Variants in NPAS1 observed in about 807,000 individuals in gnomAD.
NPAS1 encodes the protein neuronal PAS domain-containing protein 1.
NPAS1 carries 29 observed loss-of-function variants against 49.2 expected under a neutral mutation model. The ratio of observed to expected loss-of-function variants is 0.59; its 90% confidence interval spans 0.44 to 0.80. The LOEUF is 0.80. Among genes scored for constraint, NPAS1 ranks in the 30% least tolerant of loss-of-function variants. NPAS1 has a pLI of 0.00. For missense variants in NPAS1, 825 were observed against 835.5 expected, an observed-to-expected ratio of 0.99 and a Z score of 0.15; for synonymous variants, 408 against 380.4, an observed-to-expected ratio of 1.07 and a Z score of -0.84.
chr19:47,030,927 A>G (rs2056901439), intron 3 of NPAS1, among the ~76,000 whole-genome samples: 1 of 151,970 alleles, frequency 6.6e-6, no homozygotes, highest in African/African-American at 2.4e-5. Context: ...GGCGTGAGCC[A>G]CCACACTGGG....
chr19:47,021,104 C>T lies in NPAS1; in HGVS notation c.57C>T (p.Gly19=). Residue 19 remains glycine, a synonymous_variant, in exon 2 of 12, where the codon GGC becomes GGT. Coordinates refer to ENST00000602212, the MANE Select transcript of NPAS1 (RefSeq NM_002517.4). This position sits in a 1 kb window ranked among gnomAD's most constrained non-coding sequence, Gnocchi z 5.7. ...GGGSEVKCVG[G]RGASVPWDFL... ...GAAGCGAGGTCAAATGCGTGGGAGGCCGCGGCGCCAGCGTCCCCTGGGACT... is the reference window on the plus strand; with the variant it reads ...GAAGCGAGGTCAAATGCGTGGGAGGTCGCGGCGCCAGCGTCCCCTGGGACT... The T allele has an allele frequency of 6.2e-7, 1 of 1,602,912 alleles. No individual in the cohort carries two copies.
At chr19:47,038,308 A>G (rs1463314857) in intron 6 of NPAS1, among the ~76,000 whole-genome samples, 6 of 152,120 alleles carry the variant, frequency 3.9e-5, no homozygotes, top group Non-Finnish European at 4.4e-5. Context: ...CACGAGGTCA[A>G]GAGATTGAGA....
At chr19:47,030,173 G>A (rs780881047) in intron 3 of NPAS1, among the ~76,000 whole-genome samples, 6 of 152,150 alleles carry the variant, frequency 3.9e-5, no homozygotes, top group South Asian at 2.1e-4. Flanking sequence ...ATAGGTGCAC[G>A]CCACCACGCC....
intron 3 of NPAS1, among the ~76,000 whole-genome samples, chr19:47,030,537 C>T (rs888777671): frequency 6.6e-6 from 1 of 151,130 alleles, no homozygotes; most frequent in Non-Finnish European, 1.5e-5. Context: ...ACTGCATTGC[C>T]CAGGCTGGTC....
chr19:47,026,470 G>A (rs2056871344), intron 3 of NPAS1, among the ~76,000 whole-genome samples: 1 of 152,224 alleles, frequency 6.6e-6, no homozygotes, highest in South Asian at 2.1e-4. Flanking sequence ...CAGTGAGGAT[G>A]AGGACGTGGT....
chr19:47,021,468 G>A lies in NPAS1; in HGVS notation c.123-144G>A. On this transcript the variant is annotated intron_variant, in intron 2 of 11. Transcript: ENST00000602212. This position sits in a 1 kb window ranked among gnomAD's most constrained non-coding sequence, Gnocchi z 5.7. ...GTCGGAGTGTAAAATCCACACTCCG[G>A]TCTGCTCCCACCTCCAGAGATGTGG... The A allele has an allele frequency of 1.7e-6, 1 of 595,026 alleles. No homozygotes were observed. Among genetic ancestry groups the A allele is most frequent in the Non-Finnish European group, 2.8e-6 (1 of 354,660 alleles). The allele number at this position is 595,026 out of a possible 1,614,324, so 36.9% of individuals were successfully genotyped here.
At chr19:47,020,350 T>A (rs1370216873) in intron 1 of NPAS1, among the ~76,000 whole-genome samples, 1 of 151,618 alleles carries the variant, frequency 6.6e-6, no homozygotes, top group African/African-American at 2.4e-5. Context: ...GGGGGCGTCC[T>A]GGGGCAGAGG....
intron 1 of NPAS1, 70 bp downstream of exon 1, chr19:47,020,067 A>C: frequency 1.9e-5 from 2 of 105,344 alleles, no homozygotes; most frequent in Non-Finnish European, 1.7e-5. Context: ...CTGGAACTCC[A>C]GTGTCCTGGG....
chr19:47,022,166 T>G (rs539121643), intron 3 of NPAS1, among the ~76,000 whole-genome samples: 2 of 152,330 alleles, frequency 1.3e-5, no homozygotes, highest in Admixed American at 6.5e-5. Context: ...AACTCCCAGC[T>G]GCATGAGCGG....
At chr19:47,038,582 C>G (rs1339965714) in intron 6 of NPAS1, among the ~76,000 whole-genome samples, 5 of 150,574 alleles carry the variant, frequency 3.3e-5, no homozygotes, top group Non-Finnish European at 7.4e-5. Flanking sequence ...ATCGTAGCAC[C>G]TTGGGAGGCC....
chr19:47,027,092 C>A (rs973616189), intron 3 of NPAS1, among the ~76,000 whole-genome samples: 18 of 152,282 alleles, frequency 1.2e-4, no homozygotes, highest in Admixed American at 3.3e-4. Context: ...CAAAGGTGAC[C>A]CGGCACTGCC....
chr19:47,042,921 A>C lies in NPAS1; in HGVS notation c.1312+17A>C. The C allele has an allele frequency of 6.5e-7, 1 of 1,547,040 alleles. No homozygotes were observed. The highest frequency in any genetic ancestry group is 8.7e-7 in the Non-Finnish European group (1 of 1,147,394). Reference sequence around the variant, plus strand: ...AGCCCACAGGTGAGCCCCACCTCCCACCTTGGCCCCTGGGAAGCTCCAAGG... The same window carrying C: ...AGCCCACAGGTGAGCCCCACCTCCCCCCTTGGCCCCTGGGAAGCTCCAAGG... On this transcript the variant is annotated intron_variant, in intron 11 of 11. Transcript: ENST00000602212.
In NPAS1 at chr19:47,021,869, G is replaced by A. The variant is rs978681795; in HGVS notation, c.358+22G>A. ...CTCGGTGAGTGCTCATGCGCGGGGC[G>A]AGGGTCCCGGGGCCCTCCAGGCGGA... On this transcript the variant is annotated intron_variant, in intron 3 of 11. Coordinates refer to ENST00000602212, the MANE Select transcript of NPAS1 (RefSeq NM_002517.4). The surrounding 1 kb of genome is among the most constrained non-coding windows in gnomAD (Gnocchi z 5.7). 19 of 1,400,210 alleles carry A rather than the reference G, an allele frequency of 1.4e-5. No individual in the cohort carries two copies. In the Admixed American group the frequency reaches 2.3e-4, roughly 17 times the overall value. 86.7% of individuals were successfully genotyped at this position (1,400,210 alleles called of 1,614,324 possible).
At chr19:47,038,833 AAAAG>A (rs1388844911) in intron 6 of NPAS1, among the ~76,000 whole-genome samples, 199 bp from the exon 7 acceptor site, 8 of 152,282 alleles carry the variant, frequency 5.3e-5, no homozygotes, top group South Asian at 2.1e-4. Context: ...CTCAAAAAAA[AAAAG>A]AAAGGATGCG....
At chr19:47,034,329 A>G (rs2056931381) in intron 5 of NPAS1, among the ~76,000 whole-genome samples, 1 of 151,306 alleles carries the variant, frequency 6.6e-6, no homozygotes, top group South Asian at 2.1e-4. Context: ...AAAAAAAAAA[A>G]AAAAGGGCAG....
At chr19:47,035,862 CA>C (rs1253690979) in intron 5 of NPAS1, 101 bp from the exon 6 acceptor site, 1 of 1,207,994 alleles carries the variant, frequency 8.3e-7, no homozygotes, top group African/African-American at 1.6e-5. Flanking sequence ...GCATGAAGCG[CA>C]CCTGCGTGCA....
At chr19:47,035,437 G>A (rs758278636) in intron 5 of NPAS1, 67 of 153,546 alleles carry the variant, frequency 4.4e-4, no homozygotes, top group South Asian at 1.0e-3. Context: ...ACAGTGGGGA[G>A]AAGATGGGGG....
chr19:47,027,556 CTG>C lies in NPAS1; in HGVS notation c.359-4720_359-4719del, dbSNP rs1266491425. Among the ~76,000 whole-genome samples, 61 of 46,458 alleles carry C rather than the reference CTG, an allele frequency of 1.3e-3. 13 individuals carry two copies. Among genetic ancestry groups the C allele is most frequent in the African/African-American group, 5.8e-3 (60 of 10,378 alleles). 30.5% of individuals were successfully genotyped at this position (46,458 alleles called of 152,430 possible). On this transcript the variant is annotated intron_variant, in intron 3 of 11. Coordinates refer to ENST00000602212, the MANE Select transcript of NPAS1 (RefSeq NM_002517.4). ...CTTCTCTCTGCCCCTGGTCTCCTGT[CTG>C]TCTGCCCCTGGTCTCCCTTCTCTCT...
At chr19:47,037,836 A>C (rs962665148) in intron 6 of NPAS1, among the ~76,000 whole-genome samples, 1 of 151,986 alleles carries the variant, frequency 6.6e-6, no homozygotes, top group African/African-American at 2.4e-5. Flanking sequence ...TATTTTTAAG[A>C]CCGTTTTGTA....
Sources: allele counts gnomAD v4.1 joint callset (sites outside exome capture counted in the v4.1 genomes callset), GRCh38; gene constraint gnomAD v4.1.1; non-coding constraint Gnocchi (gnomAD v3.1); transcripts MANE v1.5; gene names NCBI Gene and HGNC (gene_info 2026-07-23, HGNC 2026-07-21).